Variants in PTP4A1 observed in about 807,000 individuals in gnomAD.
PTP4A1 encodes protein tyrosine phosphatase type IVA 1.
In PTP4A1, 9 loss-of-function variants were observed where a neutral mutation model predicts 20.5. The ratio of observed to expected loss-of-function variants is 0.44; its 90% confidence interval spans 0.26 to 0.77. The LOEUF (loss-of-function observed/expected upper bound fraction) is 0.77, where lower values mean the gene tolerates loss of function less well. Ranked by LOEUF, PTP4A1 falls within the 30% of genes least tolerant of loss-of-function variation. PTP4A1 has a pLI of 0.19. For missense variants in PTP4A1, 137 were observed against 218.8 expected (o/e 0.63, Z 2.36); for synonymous variants, 78 against 67.4 (o/e 1.16, Z -0.77).
At chr6:63,549,431 C>T (rs943908539) in intron 2 of PTP4A1, 10 of 757,244 alleles carry the variant, frequency 1.3e-5, no homozygotes, top group Non-Finnish European at 2.4e-6. Flanking sequence ...GGATTCACCA[C>T]TTTCTTAACC....
intron 2 of PTP4A1, among the ~76,000 whole-genome samples, chr6:63,544,093 T>C (rs1226829833): frequency 2.0e-5 from 3 of 152,158 alleles, no homozygotes; most frequent in Non-Finnish European, 4.4e-5. Flanking sequence ...TGAGCTGGTA[T>C]GCCCTAATTC....
intron 2 of PTP4A1, chr6:63,548,855 T>C: frequency 1.3e-6 from 1 of 762,724 alleles, no homozygotes; most frequent in Admixed American, 1.7e-5. Flanking sequence ...TAGCTCCCAC[T>C]AGCTTAGCCA....
intron 2 of PTP4A1, chr6:63,548,724 G>T (rs1332884128): frequency 9.3e-6 from 6 of 645,364 alleles, no homozygotes; most frequent in Middle Eastern, 4.3e-4. Flanking sequence ...CAGCTTAGTT[G>T]CAAGTTCTTG....
rs972317599 is a variant in PTP4A1, at chr6:63,538,247, C to T, written c.-640+10163C>T. Among the ~76,000 whole-genome samples, 3 of 152,276 alleles carry T rather than the reference C, an allele frequency of 2.0e-5. No homozygotes were observed. The South Asian group carries it at 6.2e-4, about 32-fold the overall frequency. On this transcript the variant is annotated intron_variant, in intron 2 of 3. Transcript: ENST00000639568. Reference sequence around the variant, plus strand: ...TTCCCAAGTTCTGGTTGGAAGCTGGCATCAGAGAAAGAGGGAAATCTAGAA... The same window carrying T: ...TTCCCAAGTTCTGGTTGGAAGCTGGTATCAGAGAAAGAGGGAAATCTAGAA...
At position 63,536,468 on chromosome 6, in the gene PTP4A1, G is replaced by A. The variant is rs1023536307; in HGVS notation, c.-640+8384G>A. 2.6e-5 allele frequency among the ~76,000 whole-genome samples: 4 copies of A among 152,220 alleles called. No homozygotes were observed. In the East Asian group the frequency reaches 7.7e-4, roughly 29 times the overall value. On this transcript the variant is annotated intron_variant, in intron 2 of 3. Transcript: ENST00000639568. ...ATATCCCATTAATTTCCCAGACAGA[G>A]TGAATTATATAACAAGATTAGATTA...
At chr6:63,538,847 A>G (rs981076633) in intron 2 of PTP4A1, among the ~76,000 whole-genome samples, 2 of 152,110 alleles carry the variant, frequency 1.3e-5, no homozygotes, top group African/African-American at 4.8e-5. Context: ...TGCTGATGAT[A>G]CTAGGTGTGG....
At chr6:63,548,847 G>T in intron 2 of PTP4A1, 1 of 758,294 alleles carries the variant, frequency 1.3e-6, no homozygotes. Context: ...AGTCCTGATA[G>T]CTCCCACTAG....
chr6:63,547,637 C>G (rs1461852875), intron 2 of PTP4A1, among the ~76,000 whole-genome samples: 1 of 151,148 alleles, frequency 6.6e-6, no homozygotes, highest in East Asian at 1.9e-4. Flanking sequence ...TCCCGAGTAG[C>G]TGGGACTACA....
At chr6:63,566,158 G>A (rs566453837) in intron 3 of PTP4A1, among the ~76,000 whole-genome samples, 19 of 152,334 alleles carry the variant, frequency 1.2e-4, no homozygotes, top group Non-Finnish European at 1.9e-4. Context: ...AGGAGAATTC[G>A]TACAACAGAG....
chr6:63,562,647 A>G (rs944132127), intron 3 of PTP4A1, among the ~76,000 whole-genome samples: 1 of 152,242 alleles, frequency 6.6e-6, no homozygotes, highest in Non-Finnish European at 1.5e-5. Context: ...TGTTTAGCAC[A>G]TGGCTTGGAA....
chr6:63,517,958 G>A (rs986075746), upstream of PTP4A1, among the ~76,000 whole-genome samples: 1 of 152,102 alleles, frequency 6.6e-6, no homozygotes, highest in African/African-American at 2.4e-5. Flanking sequence ...TTCAAGACGA[G>A]CCTGGCCAGC....
chr6:63,517,555 C>T (rs1186033555), upstream of PTP4A1, among the ~76,000 whole-genome samples: 4 of 151,978 alleles, frequency 2.6e-5, no homozygotes, highest in Non-Finnish European at 4.4e-5. Context: ...GCACTATGAA[C>T]AAAAGAAACA....
At chr6:63,542,131 A>T (rs368091947) in intron 2 of PTP4A1, among the ~76,000 whole-genome samples, 1 of 151,990 alleles carries the variant, frequency 6.6e-6, no homozygotes, top group African/African-American at 2.4e-5. Flanking sequence ...AGCAACCTGG[A>T]TGACATTGGA....
chr6:63,574,017 C>G (rs2149510719), intron 1 of PTP4A1, among the ~76,000 whole-genome samples: 1 of 152,224 alleles, frequency 6.6e-6, no homozygotes, highest in Non-Finnish European at 1.5e-5. Flanking sequence ...TCCGCGGAGC[C>G]CCCTACCAGT....
intron 3 of PTP4A1, among the ~76,000 whole-genome samples, chr6:63,560,203 T>G (rs113219475): frequency 0.11 from 16,123 of 151,600 alleles, 938 homozygotes; most frequent in East Asian, 0.16. Context: ...CGGGATGTGG[T>G]GGCAAGCGCC....
chr6:63,554,138 C>T (rs1159814728), intron 3 of PTP4A1, among the ~76,000 whole-genome samples: 1 of 152,142 alleles, frequency 6.6e-6, no homozygotes, highest in Non-Finnish European at 1.5e-5. Flanking sequence ...GTAGCCTCCT[C>T]TCAGAGGCAA....
At chr6:63,549,150 T>G (rs1776327794) in intron 2 of PTP4A1, 2 of 685,812 alleles carry the variant, frequency 2.9e-6, no homozygotes, top group Non-Finnish European at 5.3e-6. Flanking sequence ...AGCAGCTTTC[T>G]TTTTGGCCAG....
chr6:63,534,511 T>G (rs1775618495), intron 2 of PTP4A1, among the ~76,000 whole-genome samples: 1 of 150,898 alleles, frequency 6.6e-6, no homozygotes, highest in Non-Finnish European at 1.5e-5. Flanking sequence ...TCTAAGCCAA[T>G]GCAGTACTTA....
chr6:63,560,350 A>G (rs2149495345), intron 3 of PTP4A1, among the ~76,000 whole-genome samples: 1 of 151,236 alleles, frequency 6.6e-6, no homozygotes, highest in Admixed American at 6.6e-5. Context: ...AAAAAAAAAA[A>G]AAAAAAAGAA....
Sources: allele counts gnomAD v4.1 joint callset (sites outside exome capture counted in the v4.1 genomes callset), GRCh38; gene constraint gnomAD v4.1.1; transcripts MANE v1.5; gene names NCBI Gene and HGNC (gene_info 2026-07-23, HGNC 2026-07-21).